The following MYO1E variants were observed in gnomAD, a reference collection of about 807,000 sequenced individuals.
The protein encoded by MYO1E is unconventional myosin-Ie.
Under a neutral mutation model 151.1 loss-of-function variants are expected in MYO1E, and 68 were observed. That is an observed-to-expected ratio of 0.45 (90% CI 0.37 to 0.55). The LOEUF is 0.55. MYO1E is among the 20% of genes least tolerant of loss of function. MYO1E has a pLI of 0.00. For synonymous variants in MYO1E, 601 were observed against 501.7 expected (o/e 1.20, Z -2.64); for missense variants, 1,363 against 1,389.3 (o/e 0.98, Z 0.30).
intron 4 of MYO1E, among the ~76,000 whole-genome samples, chr15:59,237,698 T>A (rs1036706183): frequency 8.5e-5 from 13 of 152,228 alleles, no homozygotes; most frequent in African/African-American, 2.7e-4. Context: ...TCTATGAATA[T>A]CCAGCCCAAA....
At chr15:59,290,032 T>C (rs549985278) in intron 1 of MYO1E, among the ~76,000 whole-genome samples, 11 of 152,342 alleles carry the variant, frequency 7.2e-5, no homozygotes, top group African/African-American at 2.4e-4. Flanking sequence ...ATGTTCCCAA[T>C]GCTACGTTAG....
Position 59,297,437 on chromosome 15 carries a change from A to ATTTTTTTTTTTTTTTTT in MYO1E, c.4-25005_4-24989dup, listed in dbSNP as rs755470049. Among the ~76,000 whole-genome samples the ATTTTTTTTTTTTTTTTT allele has an allele frequency of 6.6e-4, 42 of 63,482 alleles. 7 individuals are homozygous for ATTTTTTTTTTTTTTTTT. Among genetic ancestry groups the ATTTTTTTTTTTTTTTTT allele is most frequent in the East Asian group, 1.7e-3 (4 of 2,304 alleles). The allele number at this position is 63,482 out of a possible 152,430, so 41.6% of individuals were successfully genotyped here. A position where few individuals can be genotyped will look rare whatever the true frequency, so the allele number is the denominator to read the frequency against. ...AGGTACGCACCACCACACCCAGCTA[A>ATTTTTTTTTTTTTTTTT]TTTTTTTTTTTTTTTTTTTTTTTTA... On this transcript the variant is annotated intron_variant, in intron 1 of 27. Transcript: ENST00000288235.
chr15:59,257,442 A>T (rs1021315875), intron 3 of MYO1E, among the ~76,000 whole-genome samples: 11 of 152,248 alleles, frequency 7.2e-5, no homozygotes, highest in Admixed American at 1.3e-4. Context: ...ATAGCGTCCA[A>T]GCTGCAAGTC....
chr15:59,287,090 T>C (rs1266330820), intron 1 of MYO1E, among the ~76,000 whole-genome samples: 3 of 150,156 alleles, frequency 2.0e-5, no homozygotes, highest in Admixed American at 1.3e-4. Flanking sequence ...TGCAGGGCTA[T>C]CTTGCTGTTT....
At chr15:59,233,885 A>C (rs1222940399) in intron 5 of MYO1E, among the ~76,000 whole-genome samples, 2 of 7,272 alleles carry the variant, frequency 2.8e-4, no homozygotes, top group East Asian at 6.4e-3. Context: ...TCAAAGACTT[A>C]GTACCAAAAA....
At chr15:59,217,561 T>C (rs1365020134) in intron 10 of MYO1E, among the ~76,000 whole-genome samples, 7 of 113,638 alleles carry the variant, frequency 6.2e-5, no homozygotes, top group African/African-American at 2.4e-4. Context: ...GATCTCACTC[T>C]AACCCCCAGG....
chr15:59,261,882 C>T (rs572711477), intron 2 of MYO1E, among the ~76,000 whole-genome samples: 21 of 152,288 alleles, frequency 1.4e-4, no homozygotes, highest in African/African-American at 4.1e-4. Flanking sequence ...TTCCTTTGAA[C>T]TTTCGTATCC....
intron 2 of MYO1E, among the ~76,000 whole-genome samples, chr15:59,262,497 G>A (rs190269658): frequency 1.6e-4 from 25 of 152,038 alleles, no homozygotes; most frequent in African/African-American, 5.5e-4. Context: ...GCATGGGGGC[G>A]TGTGCCTGCA....
At chr15:59,239,224 A>AT (rs61185450) in intron 4 of MYO1E, among the ~76,000 whole-genome samples, 1,809 of 141,272 alleles carry the variant, frequency 0.013, 46 homozygotes, top group African/African-American at 0.046. Context: ...ATATATATAT[A>AT]TTTTTTTTAT....
intron 1 of MYO1E, among the ~76,000 whole-genome samples, chr15:59,273,168 C>A (rs1192470718): frequency 1.3e-5 from 2 of 152,212 alleles, no homozygotes; most frequent in African/African-American, 4.8e-5. Flanking sequence ...CCCCGCATGG[C>A]CCCCTTGGGT....
intron 18 of MYO1E, among the ~76,000 whole-genome samples, chr15:59,187,246 T>A (rs2079704137): frequency 6.6e-6 from 1 of 152,120 alleles, no homozygotes; most frequent in African/African-American, 2.4e-5. Flanking sequence ...AATGCAATGA[T>A]AAAAAGACAA....
At chr15:59,313,894 G>C (rs369640047) in intron 1 of MYO1E, among the ~76,000 whole-genome samples, 7 of 152,332 alleles carry the variant, frequency 4.6e-5, no homozygotes, top group African/African-American at 1.7e-4. Context: ...TGACTTAATT[G>C]CTCCTGTGCA....
intron 25 of MYO1E, among the ~76,000 whole-genome samples, chr15:59,155,178 AG>A (rs2079502902): frequency 6.6e-6 from 1 of 152,220 alleles, no homozygotes; most frequent in Non-Finnish European, 1.5e-5. Flanking sequence ...GGGTCCCCAC[AG>A]GGGCTGCTCC....
intron 1 of MYO1E, among the ~76,000 whole-genome samples, chr15:59,288,292 C>T (rs2080399002): frequency 6.6e-6 from 1 of 152,168 alleles, no homozygotes; most frequent in Non-Finnish European, 1.5e-5. Flanking sequence ...TCTTCTGCCT[C>T]GGCCTACCGA....
At chr15:59,204,654 C>A (rs7169503) in intron 15 of MYO1E, among the ~76,000 whole-genome samples, 73,329 of 151,972 alleles carry the variant, frequency 0.48, 18,672 homozygotes, top group East Asian at 0.67. Context: ...GGATACCCTC[C>A]CTCTTCTACC....
intron 1 of MYO1E, among the ~76,000 whole-genome samples, chr15:59,365,699 G>A (rs1165813533): frequency 2.0e-5 from 3 of 152,300 alleles, no homozygotes; most frequent in Non-Finnish European, 4.4e-5. Context: ...ACCATAAAGT[G>A]CTATAAATGA....
At chr15:59,243,424 A>T (rs983876783) in intron 4 of MYO1E, among the ~76,000 whole-genome samples, 1 of 152,186 alleles carries the variant, frequency 6.6e-6, no homozygotes, top group Non-Finnish European at 1.5e-5. Flanking sequence ...CACTTGGTCC[A>T]CATAAGAGTC....
At chr15:59,180,659 G>C (rs1231927380) in intron 18 of MYO1E, among the ~76,000 whole-genome samples, 2 of 151,508 alleles carry the variant, frequency 1.3e-5, no homozygotes, top group Non-Finnish European at 2.9e-5. Context: ...GGCTTCCTTT[G>C]CTTCCATGAA....
intron 16 of MYO1E, among the ~76,000 whole-genome samples, chr15:59,198,148 G>A (rs2079779305): frequency 2.0e-5 from 3 of 152,230 alleles, no homozygotes; most frequent in Admixed American, 1.3e-4. Flanking sequence ...TTACAGGTGT[G>A]AGCCACTGTG....
Sources: gnomAD v4.1 joint callset for allele counts (sites outside exome capture counted in the v4.1 genomes callset) on GRCh38, gnomAD v4.1.1 for gene constraint, MANE v1.5 for transcripts, NCBI Gene and HGNC (gene_info 2026-07-23, HGNC 2026-07-21) for gene names.